The following WNK1 variants were observed in gnomAD, a reference collection of about 807,000 sequenced individuals.
WNK1 encodes the protein serine/threonine-protein kinase WNK1.
WNK1 carries 38 observed loss-of-function variants against 222.8 expected under a neutral mutation model. That is an observed-to-expected ratio of 0.17 (90% CI 0.13 to 0.22). The LOEUF is 0.22. Among genes scored for constraint, WNK1 ranks in the 10% least tolerant of loss-of-function variants. The pLI is 1.00. For synonymous variants in WNK1, 1,090 were observed against 1,092.9 expected (o/e 1.00, Z 0.05); for missense variants, 2,348 against 2,918.4 (o/e 0.80, Z 4.50).
chr12:770,958 T>C (rs1203736406), intron 1 of WNK1, among the ~76,000 whole-genome samples: 2 of 152,302 alleles, frequency 1.3e-5, no homozygotes, highest in Non-Finnish European at 2.9e-5. Flanking sequence ...TGCTAGTGTA[T>C]GTTTGGAATA....
chr12:800,919 C>T (rs1482333232), intron 1 of WNK1, among the ~76,000 whole-genome samples: 1 of 152,184 alleles, frequency 6.6e-6, no homozygotes, highest in Admixed American at 6.5e-5. Flanking sequence ...ATTGATTTGT[C>T]TGTCCTACAG....
chr12:836,987 A>G (rs1199818978), intron 4 of WNK1, among the ~76,000 whole-genome samples: 3 of 152,134 alleles, frequency 2.0e-5, no homozygotes, highest in Non-Finnish European at 4.4e-5. Flanking sequence ...CTACCCATCT[A>G]AAGTGTATAA....
intron 19 of WNK1, among the ~76,000 whole-genome samples, 177 bp from the exon 20 acceptor site, chr12:887,044 A>T (rs1403264231): frequency 6.6e-6 from 1 of 152,198 alleles, no homozygotes; most frequent in Non-Finnish European, 1.5e-5. Context: ...TAACAACATT[A>T]GTTGTCACAC....
intron 1 of WNK1, among the ~76,000 whole-genome samples, chr12:801,150 T>G (rs557955377): frequency 2.2e-4 from 34 of 152,220 alleles, no homozygotes; most frequent in Non-Finnish European, 4.3e-4. Context: ...TCTTGAGTTA[T>G]GTTAATGGAA....
chr12:900,909 T>G, intron 26 of WNK1: 1 of 576,790 alleles, frequency 1.7e-6, no homozygotes, highest in South Asian at 1.9e-5. Context: ...TACATCTGTG[T>G]GGCCTATATG....
chr12:759,073 A>C (rs1363174699), intron 1 of WNK1, among the ~76,000 whole-genome samples: 1 of 147,002 alleles, frequency 6.8e-6, no homozygotes, highest in East Asian at 1.9e-4. Context: ...CCCTATGGAA[A>C]CATTCAACTA....
intron 9 of WNK1, among the ~76,000 whole-genome samples, chr12:873,854 T>C (rs950097800): frequency 6.6e-6 from 1 of 152,158 alleles, no homozygotes; most frequent in Non-Finnish European, 1.5e-5. Context: ...AAATATACTT[T>C]TGCTAAAATT....
intron 8 of WNK1, chr12:868,792 G>C: frequency 6.2e-7 from 1 of 1,614,020 alleles, no homozygotes; most frequent in Non-Finnish European, 8.5e-7. Flanking sequence ...CTGAAGAAAA[G>C]CATAATTACC....
intron 25 of WNK1, among the ~76,000 whole-genome samples, chr12:898,316 C>T (rs1038759748): frequency 1.3e-5 from 2 of 151,868 alleles, no homozygotes; most frequent in African/African-American, 4.8e-5. Context: ...AACCCTGTCT[C>T]TACTAAAAAT....
rs192704097 is a variant in WNK1, at chr12:831,108, G to T, written c.1311+948G>T. Among the ~76,000 whole-genome samples, 5 of 152,280 alleles carry T rather than the reference G, an allele frequency of 3.3e-5. No homozygotes were observed. In the East Asian group the frequency reaches 9.6e-4, roughly 29 times the overall value. On this transcript the variant is annotated intron_variant, in intron 4 of 27. Transcript: ENST00000315939. ...AGAAGTTTACCTTAAAATGGTTGGG[G>T]TAGGTTAACAATGTAAAAATAATTT...
chr12:907,774 C>A, intron 26 of WNK1, 73 bp from the exon 27 acceptor site: 1 of 1,549,016 alleles, frequency 6.5e-7, no homozygotes, highest in Non-Finnish European at 8.9e-7. Flanking sequence ...TTCATCATCC[C>A]GTGAAGTTTT....
At chr12:849,831 C>T in intron 4 of WNK1, among the ~76,000 whole-genome samples, 1 of 150,880 alleles carries the variant, frequency 6.6e-6, no homozygotes, top group Non-Finnish European at 1.5e-5. Flanking sequence ...GGTTTTTTGT[C>T]CTTGCGATAG....
intron 4 of WNK1, among the ~76,000 whole-genome samples, chr12:845,078 G>A (rs1949931491): frequency 6.6e-6 from 1 of 150,946 alleles, no homozygotes; most frequent in Admixed American, 6.6e-5. Context: ...TGTATTTTTA[G>A]TAGAGACGGG....
At chr12:858,404 G>A (rs1950949156) in intron 5 of WNK1, among the ~76,000 whole-genome samples, 1 of 152,030 alleles carries the variant, frequency 6.6e-6, no homozygotes, top group Non-Finnish European at 1.5e-5. Context: ...TGGTCAGGCG[G>A]GTTGCAGACT....
intron 10 of WNK1, 113 bp from the exon 11 acceptor site, chr12:879,460 T>TTTTTTTTTCC: frequency 2.8e-6 from 2 of 717,302 alleles, no homozygotes; most frequent in South Asian, 1.8e-5. Flanking sequence ...TTTTTTTTGT[T>TTTTTTTTTCC]TGTTTTTTCC....
Position 884,939 on chromosome 12 carries a change from A to G in WNK1, c.4135A>G (p.Thr1379Ala), listed in dbSNP as rs758763241. The change falls in exon 19 of 28, where the codon ACT becomes GCT. Residue 1379 changes from threonine to alanine, a missense_variant. Coordinates refer to ENST00000315939, the MANE Select transcript of WNK1 (RefSeq NM_018979.4). The surrounding 1 kb of genome is among the most constrained non-coding windows in gnomAD (Gnocchi z 5.6). ...SVIQSEVTVP[T>A]EEGIAGVATS... ...AATTCAGTCTGAGGTTACAGTGCCCACTGAAGAGGGGATTGCTGGAGTTGC... is the reference window on the plus strand; with the variant it reads ...AATTCAGTCTGAGGTTACAGTGCCCGCTGAAGAGGGGATTGCTGGAGTTGC... 57 of 1,614,054 alleles carry G rather than the reference A, an allele frequency of 3.5e-5. 1 individual carries two copies. In the Middle Eastern group the frequency reaches 1.6e-3, roughly 47 times the overall value.
At chr12:786,624 G>A (rs1944334032) in intron 1 of WNK1, among the ~76,000 whole-genome samples, 1 of 151,834 alleles carries the variant, frequency 6.6e-6, no homozygotes. Context: ...CCTGCCACCA[G>A]GCCTGGCTAA....
At position 883,706 on chromosome 12, in the gene WNK1, G is replaced by A. The variant is rs186306584; in HGVS notation, c.3664-68G>A. On this transcript the variant is annotated intron_variant, in intron 16 of 27. Transcript: ENST00000315939. ...AACTTTTATGTTCTCTTCACATGTG[G>A]CAGTTTGCTTTGCCTAGTCATTGAG... 205 of 1,599,454 alleles carry A rather than the reference G, an allele frequency of 1.3e-4. 1 individual carries two copies. In the Middle Eastern group the frequency reaches 1.3e-3, roughly 10 times the overall value.
intron 8 of WNK1, among the ~76,000 whole-genome samples, chr12:866,809 C>A (rs1452853644): frequency 6.6e-6 from 1 of 152,046 alleles, no homozygotes; most frequent in African/African-American, 2.4e-5. Context: ...GATTAGAACA[C>A]CAGGATGTCA....
Sources: allele counts gnomAD v4.1 joint callset (sites outside exome capture counted in the v4.1 genomes callset), GRCh38; gene constraint gnomAD v4.1.1; non-coding constraint Gnocchi (gnomAD v3.1); transcripts MANE v1.5; gene names NCBI Gene and HGNC (gene_info 2026-07-23, HGNC 2026-07-21).